FAM171A2: variants seen among roughly 807,000 people sequenced by gnomAD.
FAM171A2 encodes the protein protein FAM171A2.
A neutral mutation model predicts 34.2 loss-of-function variants in FAM171A2; 13 were observed. The observed-to-expected ratio is 0.38, with a 90% CI of 0.25 to 0.60. The LOEUF (loss-of-function observed/expected upper bound fraction) is 0.60. Among genes scored for constraint, FAM171A2 ranks in the 20% least tolerant of loss-of-function variants. The pLI, the probability that FAM171A2 is intolerant of heterozygous loss-of-function variation, is 0.62. For synonymous variants in FAM171A2, 475 were observed against 561.2 expected, an observed-to-expected ratio of 0.85 and a Z score of 2.17; for missense variants, 950 against 1,180.7, an observed-to-expected ratio of 0.80 and a Z score of 2.86.
chr17:44,361,230 A>G (rs1294987048), intron 1 of FAM171A2, among the ~76,000 whole-genome samples: 2 of 152,250 alleles, frequency 1.3e-5, no homozygotes, highest in East Asian at 3.8e-4. Flanking sequence ...TTCTCCAGGC[A>G]GTCTCTCTGA....
Position 44,355,134 on chromosome 17 carries a change from AGAGGGCCCC to A in FAM171A2, c.1071_1079del (p.Gly358_Ser360del), listed in dbSNP as rs2048416494. The A allele has an allele frequency of 6.4e-7, 1 of 1,550,926 alleles. No homozygotes were observed. ...TGGCCTGGTCTCGTTTGTTACCGTC[AGAGGGCCCC>A]GAGAGCTGCAGCTTGCGGTGCTGTT... On this transcript the variant is annotated inframe_deletion, in exon 8 of 8. Transcript: ENST00000293443. The surrounding 1 kb of genome is among the most constrained non-coding windows in gnomAD (Gnocchi z 4.1).
In FAM171A2 at chr17:44,353,808, G is replaced by T; in HGVS notation, c.2406C>A (p.Gly802=). 1.4e-6 allele frequency: 2 copies of T among 1,425,632 alleles called. No individual in the cohort carries two copies. The highest frequency in any genetic ancestry group is 2.7e-5 in the Admixed American group (1 of 36,742). 88.3% of individuals were successfully genotyped at this position (1,425,632 alleles called of 1,614,324 possible). The change falls in exon 8 of 8, where the codon GGC becomes GGA. Residue 802 remains glycine (G), a synonymous_variant. Coordinates refer to ENST00000293443, the MANE Select transcript of FAM171A2 (RefSeq NM_198475.3). ...GGCTCTTCTTGTCTCCCGCCTCGTC[G>T]CCCACCTCCGCCCCCAGCTCGTCCT... ...SPEDELGAEV[G]DEAGDKKSPW... is the part of the protein sequence containing the mutation.
rs2048423261 is a variant in FAM171A2, at chr17:44,356,279, C to T, written c.672G>A (p.Glu224=). The T allele has an allele frequency of 6.4e-7, 1 of 1,551,290 alleles. No individual in the cohort carries two copies. Among genetic ancestry groups the T allele is most frequent in the Non-Finnish European group, 8.7e-7 (1 of 1,146,824 alleles). Residue 224 remains glutamate, a synonymous_variant, in exon 5 of 8, where the codon GAG becomes GAA. Transcript: ENST00000293443. ...GGTGAATGGGGCCTGAGAGCGGCAC[C>T]TCTGTCCCATTACCTGTCAGCAGGT... The part of the protein sequence containing the change: ...SVHLLTGNGT[E]VPLSGPIHLS...
In FAM171A2 at chr17:44,363,615, C is replaced by A; in HGVS notation, c.100G>T (p.Glu34Ter). ...GACTCACCCTGCGGGCTGGGGGGCTCCGGCGGCGACTTGCCGGGAGCCCGG... is the reference window on the plus strand; with the variant it reads ...GACTCACCCTGCGGGCTGGGGGGCTACGGCGGCGACTTGCCGGGAGCCCGG... Reference protein sequence around the residue: ...ASRAPGKSPPEPPSPQEILIK... With the variant: ...ASRAPGKSPP The change falls in exon 1 of 8, where the codon GAG becomes TAG. Residue 34 changes from glutamate (E) to a stop codon, truncating the protein, a stop_gained. Transcript: ENST00000293443. LOFTEE classifies it high-confidence loss of function. The A allele has an allele frequency of 8.1e-7, 1 of 1,229,508 alleles. No individual in the cohort carries two copies. Among genetic ancestry groups the A allele is most frequent in the South Asian group, 3.9e-5 (1 of 25,328 alleles). 76.2% of individuals were successfully genotyped at this position (1,229,508 alleles called of 1,614,324 possible). A position where few individuals can be genotyped will look rare whatever the true frequency, so the allele number is the denominator to read the frequency against.
rs2048409033 is a variant in FAM171A2, at chr17:44,354,398, C to T, written c.1816G>A (p.Ala606Thr). Residue 606 changes from alanine to threonine, a missense_variant, in exon 8 of 8, where the codon GCC becomes ACC. This residue lies in a region of FAM171A2 where 752 missense variants were observed against 924.5 expected (regional missense o/e 0.81). Transcript: ENST00000293443. The surrounding 1 kb of genome is among the most constrained non-coding windows in gnomAD (Gnocchi z 5.8). ...CCACTGACGGGCGCCGCGCGCCCGG[C>T]CCCCCAGCCCTCGCCGCCGCCCCCG... Reference protein sequence around the residue: ...GGGGGGEGWGAGRAAPVSGSV... With the variant: ...GGGGGGEGWGTGRAAPVSGSV... 22 of 1,227,370 alleles carry T rather than the reference C, an allele frequency of 1.8e-5. No homozygotes were observed. The highest frequency in any genetic ancestry group is 2.2e-5 in the Non-Finnish European group (21 of 974,248). The allele number at this position is 1,227,370 out of a possible 1,614,324, so 76.0% of individuals were successfully genotyped here.
intron 3 of FAM171A2, among the ~76,000 whole-genome samples, chr17:44,357,769 G>T (rs2048431468): frequency 6.6e-6 from 1 of 151,670 alleles, no homozygotes; most frequent in Non-Finnish European, 1.5e-5. Flanking sequence ...TGGGGTGGAG[G>T]GGACAGACAT....
Position 44,359,888 on chromosome 17 carries a change from C to A in FAM171A2, c.346+17G>T, listed in dbSNP as rs764622273. 1.3e-6 allele frequency: 2 copies of A among 1,514,442 alleles called. No individual in the cohort carries two copies. Among genetic ancestry groups the A allele is most frequent in the Non-Finnish European group, 1.8e-6 (2 of 1,125,570 alleles). 93.8% of individuals were successfully genotyped at this position (1,514,442 alleles called of 1,614,324 possible). A position where few individuals can be genotyped will look rare whatever the true frequency, so the allele number is the denominator to read the frequency against. ...GGTCAGCTGCTGTCCCCCCCCTCCA[C>A]CTGCCCCTGCACTCACAGGGCAGCT... is the stretch of plus-strand genomic sequence containing the variant. On this transcript the variant is annotated intron_variant, in intron 2 of 7. Coordinates refer to ENST00000293443, the MANE Select transcript of FAM171A2 (RefSeq NM_198475.3).
At chr17:44,357,030 GATTTTTA>G (rs1053837699) in intron 3 of FAM171A2, among the ~76,000 whole-genome samples, 2 of 152,130 alleles carry the variant, frequency 1.3e-5, no homozygotes, top group Non-Finnish European at 2.9e-5. Context: ...TGAGGAACTG[GATTTTTA>G]ATTTTTAAAA....
rs777585843 is a variant in FAM171A2 at position 44,353,240 on chromosome 17, T to G, written c.*493A>C. The G allele has an allele frequency of 1.3e-3, 358 of 280,716 alleles. No homozygotes were observed. Among genetic ancestry groups the G allele is most frequent in the Non-Finnish European group, 1.9e-3 (272 of 144,710 alleles). 17.4% of individuals were successfully genotyped at this position (280,716 alleles called of 1,614,324 possible). ...TTAACCTCACCAGTTTTATATTTGC[T>G]GCTGCCCACATCGGCTGTATCACAT... On this transcript the variant is annotated 3_prime_UTR_variant, in exon 8 of 8. Coordinates refer to ENST00000293443, the MANE Select transcript of FAM171A2 (RefSeq NM_198475.3).
Position 44,353,484 on chromosome 17 carries a change from T to G in FAM171A2, c.*249A>C, listed in dbSNP as rs2048399529. ...CAGCCACGTCTACACAGGCACTGCT[T>G]CCCCCCAGCCCTCCTCCCCGGCACC... On this transcript the variant is annotated 3_prime_UTR_variant, in exon 8 of 8. Coordinates refer to ENST00000293443, the MANE Select transcript of FAM171A2 (RefSeq NM_198475.3). 4.4e-6 allele frequency: 1 copy of G among 228,514 alleles called. No individual in the cohort carries two copies. Among genetic ancestry groups the G allele is most frequent in the African/African-American group, 2.3e-5 (1 of 42,932 alleles). The allele number at this position is 228,514 out of a possible 1,614,324, so 14.2% of individuals were successfully genotyped here. A position where few individuals can be genotyped will look rare whatever the true frequency, so the allele number is the denominator to read the frequency against.
intron 1 of FAM171A2, among the ~76,000 whole-genome samples, chr17:44,361,786 T>C (rs1258821171): frequency 1.3e-5 from 2 of 152,156 alleles, no homozygotes; most frequent in Non-Finnish European, 2.9e-5. Context: ...ATGAACAAAT[T>C]ATGGCTCAGA....
chr17:44,354,893 G>A lies in FAM171A2; in HGVS notation c.1321C>T (p.Leu441Phe). ...SGARGGESAGLKGARSAEGPG... is the reference protein window; with the variant it reads ...SGARGGESAGFKGARSAEGPG... ...CCCTCGGCCGAGCGAGCGCCCTTGA[G>A]CCCGGCGCTCTCGCCCCCGCGGGCA... Residue 441 changes from leucine to phenylalanine, a missense_variant, in exon 8 of 8, where the codon CTC (leucine) becomes TTC (phenylalanine). Physicochemically the swap from Leu to Phe is conservative, Grantham distance 22. This residue lies in a region of FAM171A2 where 752 missense variants were observed against 924.5 expected (regional missense o/e 0.81). Coordinates refer to ENST00000293443, the MANE Select transcript of FAM171A2 (RefSeq NM_198475.3). This position sits in a 1 kb window ranked among gnomAD's most constrained non-coding sequence, Gnocchi z 5.8. The A allele has an allele frequency of 1.4e-6, 2 of 1,387,330 alleles. No homozygotes were observed. The highest frequency in any genetic ancestry group is 1.9e-6 in the Non-Finnish European group (2 of 1,076,726). The allele number at this position is 1,387,330 out of a possible 1,614,324, so 85.9% of individuals were successfully genotyped here. A position where few individuals can be genotyped will look rare whatever the true frequency, so the allele number is the denominator to read the frequency against.
intron 1 of FAM171A2, 72 bp downstream of exon 1, chr17:44,363,524 AG>A: frequency 1.6e-6 from 1 of 632,570 alleles, no homozygotes; most frequent in Non-Finnish European, 2.3e-6. Flanking sequence ...CGCCGCGAAG[AG>A]GGGGCTGACG....
At chr17:44,362,001 A>G (rs1041350812) in intron 1 of FAM171A2, among the ~76,000 whole-genome samples, 1 of 144,098 alleles carries the variant, frequency 6.9e-6, no homozygotes, top group African/African-American at 2.6e-5. Flanking sequence ...ATTTGAGGGA[A>G]TGCCTTGGGT....
Position 44,353,914 on chromosome 17 carries a change from G to C in FAM171A2, c.2300C>G (p.Pro767Arg). The C allele has an allele frequency of 1.5e-6, 2 of 1,299,368 alleles. No homozygotes were observed. The highest frequency in any genetic ancestry group is 1.9e-6 in the Non-Finnish European group (2 of 1,030,024). 80.5% of individuals were successfully genotyped at this position (1,299,368 alleles called of 1,614,324 possible). A position where few individuals can be genotyped will look rare whatever the true frequency, so the allele number is the denominator to read the frequency against. ...CCCGCGGCTGCGGCCCCGCCCCCGG[G>C]GTACCGTGGCCGCCCGGCCCTCGGG... ...AAPEGRAATV[P>R]RGRGRSRGDS... The change falls in exon 8 of 8, where the codon CCC becomes CGC. Residue 767 changes from proline to arginine, a missense_variant. Around this residue, in one of 3 missense-constraint regions of FAM171A2, gnomAD observed 191 missense variants for 222.8 expected, o/e 0.86. Coordinates refer to ENST00000293443, the MANE Select transcript of FAM171A2 (RefSeq NM_198475.3).
At chr17:44,362,033 G>T (rs1182010710) in intron 1 of FAM171A2, among the ~76,000 whole-genome samples, 2 of 151,564 alleles carry the variant, frequency 1.3e-5, no homozygotes, top group African/African-American at 4.9e-5. Flanking sequence ...AGTTTCAGAA[G>T]AGGGAGGGGG....
Position 44,354,880 on chromosome 17 carries a change from C to A in FAM171A2, c.1334G>T (p.Arg445Leu). The A allele has an allele frequency of 7.6e-7, 1 of 1,316,554 alleles. No homozygotes were observed. The highest frequency in any genetic ancestry group is 2.9e-4 in the Middle Eastern group (1 of 3,488). 81.6% of individuals were successfully genotyped at this position (1,316,554 alleles called of 1,614,324 possible). A position where few individuals can be genotyped will look rare whatever the true frequency, so the allele number is the denominator to read the frequency against. Residue 445 changes from arginine to leucine, a missense_variant, in exon 8 of 8, where the codon CGC (arginine) becomes CTC (leucine). Arg to Leu is a moderately radical substitution (Grantham distance 102, BLOSUM62 -2). Transcript: ENST00000293443. The surrounding 1 kb of genome is among the most constrained non-coding windows in gnomAD (Gnocchi z 5.8). ...GGESAGLKGA[R>L]SAEGPGGLEP... ...CAGCCCGCCGGGGCCCTCGGCCGAG[C>A]GAGCGCCCTTGAGCCCGGCGCTCTC...
Position 44,354,858 on chromosome 17 carries a change from C to T in FAM171A2, c.1356G>A (p.Gly452=), listed in dbSNP as rs919565125. 16 of 1,279,918 alleles carry T rather than the reference C, an allele frequency of 1.3e-5. No homozygotes were observed. The highest frequency in any genetic ancestry group is 1.6e-5 in the Non-Finnish European group (16 of 1,016,238). 79.3% of individuals were successfully genotyped at this position (1,279,918 alleles called of 1,614,324 possible). The part of the protein sequence containing the change: ...KGARSAEGPG[G]LEPGLEEHRR... ...GGTGCTCCTCTAGGCCGGGCTCCAG[C>T]CCGCCGGGGCCCTCGGCCGAGCGAG... Residue 452 remains glycine, a synonymous_variant, in exon 8 of 8, where the codon GGG becomes GGA. Transcript: ENST00000293443. This position sits in a 1 kb window ranked among gnomAD's most constrained non-coding sequence, Gnocchi z 5.8.
Position 44,355,767 on chromosome 17 carries a change from C to G in FAM171A2, c.970G>C (p.Ala324Pro). Residue 324 changes from alanine (A) to proline (P), a missense_variant, in exon 7 of 8, where the codon GCC (alanine) becomes CCC (proline). Transcript: ENST00000293443. The surrounding 1 kb of genome is among the most constrained non-coding windows in gnomAD (Gnocchi z 4.1). ...AGGATAAGCACCAGCAGGGCCAGGG[C>G]TGCCAGGATGGTGAGCAAGAAGATG... The part of the protein sequence containing the change: ...HTIFLLTILA[A>P]LALLVLILLC... 1 of 1,551,954 alleles carries G rather than the reference C, an allele frequency of 6.4e-7. No individual in the cohort carries two copies. Among genetic ancestry groups the G allele is most frequent in the Non-Finnish European group, 8.7e-7 (1 of 1,147,088 alleles).
Sources: gnomAD v4.1 joint callset for allele counts (sites outside exome capture counted in the v4.1 genomes callset) on GRCh38, gnomAD v4.1.1 for gene constraint, gnomAD v4.1.1 regional missense constraint, Gnocchi (gnomAD v3.1) non-coding constraint, MANE v1.5 for transcripts, NCBI Gene and HGNC (gene_info 2026-07-23, HGNC 2026-07-21) for gene names.